Variants in NAV1 observed in about 807,000 individuals in gnomAD.
NAV1 encodes pore membrane and/or filament interacting like protein 3.
A neutral mutation model predicts 175.2 loss-of-function variants in NAV1; 18 were observed. The ratio of observed to expected loss-of-function variants is 0.10; its 90% CI spans 0.07 to 0.15. The LOEUF (loss-of-function observed/expected upper bound fraction) is 0.15. Ranked by LOEUF, NAV1 falls within the 10% of genes least tolerant of loss-of-function variation. The pLI is 1.00. For synonymous variants in NAV1, 897 were observed against 978.7 expected (o/e 0.92, Z 1.56); for missense variants, 1,731 against 2,436.6 (o/e 0.71, Z 6.10).
chr1:201,651,062 T>C (rs1424928804), intron 1 of NAV1, among the ~76,000 whole-genome samples: 1 of 150,106 alleles, frequency 6.7e-6, no homozygotes, highest in Non-Finnish European at 1.5e-5. Context: ...AAAATGCAAC[T>C]GGCCCATGTG....
intron 2 of NAV1, among the ~76,000 whole-genome samples, chr1:201,633,017 C>T (rs2102300455): frequency 6.6e-6 from 1 of 152,284 alleles, no homozygotes; most frequent in South Asian, 2.1e-4. Flanking sequence ...CAAACCAAAT[C>T]CAAGTATTCC....
intron 1 of NAV1, among the ~76,000 whole-genome samples, chr1:201,626,293 C>T (rs1205920361): frequency 2.0e-5 from 3 of 152,216 alleles, no homozygotes; most frequent in African/African-American, 7.2e-5. Context: ...CTCCCTGCCA[C>T]CCGCCCCAGC....
intron 1 of NAV1, among the ~76,000 whole-genome samples, chr1:201,566,142 A>G (rs1316279248): frequency 6.6e-6 from 1 of 152,114 alleles, no homozygotes; most frequent in African/African-American, 2.4e-5. Flanking sequence ...CTCCCGACAC[A>G]TACACCATTC....
chr1:201,801,292 TA>T (rs991649411), intron 15 of NAV1, among the ~76,000 whole-genome samples: 10 of 152,274 alleles, frequency 6.6e-5, no homozygotes, highest in African/African-American at 2.4e-4. Flanking sequence ...AAGGGAAAAT[TA>T]GAGTTTAAAA....
intron 3 of NAV1, among the ~76,000 whole-genome samples, chr1:201,769,506 AT>A (rs752808466): frequency 2.3e-4 from 35 of 152,246 alleles, no homozygotes; most frequent in South Asian, 4.1e-4. Flanking sequence ...CCTAGTTGGT[AT>A]AGTGATGGGG....
At chr1:201,564,030 G>A (rs779673774) in intron 1 of NAV1, among the ~76,000 whole-genome samples, 13 of 152,124 alleles carry the variant, frequency 8.5e-5, no homozygotes, top group Non-Finnish European at 1.5e-4. Context: ...CCCAGAGGTT[G>A]AGGCTGCGGT....
intron 1 of NAV1, among the ~76,000 whole-genome samples, chr1:201,653,749 C>T (rs1480582593): frequency 6.6e-6 from 1 of 152,110 alleles, no homozygotes; most frequent in East Asian, 1.9e-4. Context: ...CTCACTCCTG[C>T]CCTTCCTCTG....
At chr1:201,802,052 G>C (rs1558182023) in intron 15 of NAV1, among the ~76,000 whole-genome samples, 1 of 143,876 alleles carries the variant, frequency 7.0e-6, no homozygotes, top group Non-Finnish European at 1.5e-5. Flanking sequence ...CAGGAGAATG[G>C]CGTGAACCCG....
chr1:201,787,361 T>G lies in NAV1; in HGVS notation c.2995+784T>G, dbSNP rs1411388967. 1.3e-5 allele frequency among the ~76,000 whole-genome samples: 2 copies of G among 152,146 alleles called. No homozygotes were observed. Among genetic ancestry groups the G allele is most frequent in the Non-Finnish European group, 2.9e-5 (2 of 68,030 alleles). On this transcript the variant is annotated intron_variant, in intron 9 of 29. Transcript: ENST00000367296. This position sits in a 1 kb window ranked among gnomAD's most constrained non-coding sequence, Gnocchi z 4.3. ...TTTCAGCTGAGTAAAAGAAATCAGT[T>G]AATAAAAGACAAGGACCTGTAACAC...
intron 1 of NAV1, among the ~76,000 whole-genome samples, chr1:201,549,982 G>A (rs1665803515): frequency 8.3e-6 from 1 of 120,988 alleles, no homozygotes; most frequent in African/African-American, 3.2e-5. Flanking sequence ...CTGCACTCCA[G>A]CCTAGGCGAC....
At position 201,762,322 on chromosome 1, in the gene NAV1, G is replaced by A. The variant is rs186664129; in HGVS notation, c.1227-18099G>A. Reference sequence around the variant, plus strand: ...TTTTTGCCCAGGACTTGTCAGTTACGGAATTGTTATTTCTTTTCATTTTTA... The same window carrying A: ...TTTTTGCCCAGGACTTGTCAGTTACAGAATTGTTATTTCTTTTCATTTTTA... On this transcript the variant is annotated intron_variant, in intron 3 of 29. Coordinates refer to ENST00000367296, the Ensembl canonical transcript of NAV1. Among the ~76,000 whole-genome samples, 223 of 152,270 alleles carry A rather than the reference G, an allele frequency of 1.5e-3. 2 individuals are homozygous for A. Among genetic ancestry groups the A allele is most frequent in the Non-Finnish European group, 2.6e-3 (179 of 68,022 alleles).
intron 2 of NAV1, among the ~76,000 whole-genome samples, chr1:201,717,329 C>T (rs1214718535): frequency 2.0e-5 from 3 of 152,208 alleles, no homozygotes; most frequent in Admixed American, 6.5e-5. Context: ...AACCCCGTTT[C>T]GCTTACTTAG....
chr1:201,802,014 G>A (rs1274409272), intron 15 of NAV1, among the ~76,000 whole-genome samples: 4 of 149,540 alleles, frequency 2.7e-5, no homozygotes, highest in Admixed American at 2.7e-4. Context: ...GCGGGCGCCT[G>A]TAGTCCCAGC....
intron 1 of NAV1, among the ~76,000 whole-genome samples, chr1:201,576,988 A>AGTTTT (rs769049897): frequency 1.6e-4 from 24 of 151,454 alleles, no homozygotes; most frequent in Middle Eastern, 3.4e-3. Context: ...GTTTTTGGTG[A>AGTTTT]GTTTTGTTTT....
At chr1:201,567,437 G>A (rs1339783927) in intron 1 of NAV1, among the ~76,000 whole-genome samples, 1 of 152,244 alleles carries the variant, frequency 6.6e-6, no homozygotes, top group African/African-American at 2.4e-5. Flanking sequence ...AGCTGCACTG[G>A]GATGGAGTCT....
chr1:201,822,532 GGGATTCTT>G (rs1679445491), exon 30 of NAV1: 1 of 152,576 alleles, frequency 6.6e-6, no homozygotes, highest in Non-Finnish European at 1.5e-5. Flanking sequence ...CGACCCCAAA[GGGATTCTT>G]GGCTCTCTGG....
chr1:201,679,809 G>A (rs1439571417), intron 1 of NAV1, among the ~76,000 whole-genome samples: 2 of 152,284 alleles, frequency 1.3e-5, no homozygotes, highest in Non-Finnish European at 2.9e-5. Context: ...ATGCAAAGAG[G>A]GATGTGGGGC....
chr1:201,546,530 T>C (rs1436878978), intron 1 of NAV1, among the ~76,000 whole-genome samples: 3 of 152,198 alleles, frequency 2.0e-5, no homozygotes, highest in African/African-American at 7.2e-5. Context: ...ACGATGAATG[T>C]CTACATTCAC....
At position 201,661,626 on chromosome 1, in the gene NAV1, C is replaced by A. The variant is rs546327014; in HGVS notation, c.757+12201C>A. On this transcript the variant is annotated intron_variant, in intron 1 of 29. Transcript: ENST00000367296. ...TGCCTGGTAAAATAGGGATTAGACT[C>A]CCCAGCTCCCAGATCTGGGAGACTG... Among the ~76,000 whole-genome samples, 9 of 152,110 alleles carry A rather than the reference C, an allele frequency of 5.9e-5. 1 individual carries two copies. The South Asian group carries it at 1.9e-3, about 32-fold the overall frequency.
Sources: allele counts gnomAD v4.1 joint callset (sites outside exome capture counted in the v4.1 genomes callset), GRCh38; gene constraint gnomAD v4.1.1; non-coding constraint Gnocchi (gnomAD v3.1); transcripts MANE v1.5; gene names NCBI Gene and HGNC (gene_info 2026-07-23, HGNC 2026-07-21).